FUCA1: variants seen among roughly 807,000 people sequenced by gnomAD.
The protein encoded by FUCA1 is tissue alpha-L-fucosidase.
A neutral mutation model predicts 56.8 loss-of-function variants in FUCA1; 52 were observed. That is an observed-to-expected ratio of 0.92 (90% CI 0.73 to 1.15). FUCA1 has a LOEUF of 1.15. Among genes scored for constraint, FUCA1 ranks in the 50% most tolerant of loss-of-function variants. The probability of loss-of-function intolerance (pLI) is 0.00; values close to 1 mark genes in which losing one functional copy is unlikely to be tolerated. For missense variants in FUCA1, 568 were observed against 592.6 expected, an observed-to-expected ratio of 0.96 and a Z score of 0.43; for synonymous variants, 230 against 226.6, an observed-to-expected ratio of 1.02 and a Z score of -0.14.
chr1:23,865,641 C>A lies in FUCA1; in HGVS notation c.390-16G>T. The A allele has an allele frequency of 6.2e-7, 1 of 1,614,202 alleles. No homozygotes were observed. The highest frequency in any genetic ancestry group is 1.1e-5 in the South Asian group (1 of 91,086). On this transcript the variant is annotated splice_polypyrimidine_tract_variant and intron_variant, in intron 1 of 7. Transcript: ENST00000374479. ...AACTACATACCTGTGGACAGCAAAA[C>A]CACATGAGCAAAGGAAGTGGGCAGT...
chr1:23,859,303 AC>A (rs1208337507), intron 4 of FUCA1, among the ~76,000 whole-genome samples: 1 of 152,134 alleles, frequency 6.6e-6, no homozygotes, highest in African/African-American at 2.4e-5. Flanking sequence ...GCGGTGGCTC[AC>A]GCCTGTAATC....
At chr1:23,857,398 T>C (rs1639414052) in intron 4 of FUCA1, among the ~76,000 whole-genome samples, 1 of 152,090 alleles carries the variant, frequency 6.6e-6, no homozygotes, top group Non-Finnish European at 1.5e-5. Context: ...CAGAGACAGA[T>C]ATGCAGACAA....
At chr1:23,859,313 T>G (rs1472857546) in intron 4 of FUCA1, among the ~76,000 whole-genome samples, 1 of 152,030 alleles carries the variant, frequency 6.6e-6, no homozygotes, top group African/African-American at 2.4e-5. Context: ...ACGCCTGTAA[T>G]CCCAGAACTT....
intron 1 of FUCA1, among the ~76,000 whole-genome samples, chr1:23,866,848 T>C (rs1227949857): frequency 6.6e-6 from 1 of 152,216 alleles, no homozygotes; most frequent in Non-Finnish European, 1.5e-5. Context: ...TTTTAATTTT[T>C]CTCACTTGTA....
chr1:23,856,218 G>T (rs1408433891), intron 4 of FUCA1, among the ~76,000 whole-genome samples: 1 of 152,174 alleles, frequency 6.6e-6, no homozygotes, highest in Non-Finnish European at 1.5e-5. Context: ...AGGGATAAAA[G>T]TGACAGTGTG....
chr1:23,859,257 A>G (rs1639457248), intron 4 of FUCA1, among the ~76,000 whole-genome samples: 1 of 151,996 alleles, frequency 6.6e-6, no homozygotes, highest in African/African-American at 2.4e-5. Context: ...TTAAACCTAT[A>G]TTGTCAAAGT....
intron 6 of FUCA1, among the ~76,000 whole-genome samples, chr1:23,846,429 C>A (rs995607996): frequency 6.6e-6 from 1 of 151,840 alleles, no homozygotes; most frequent in Admixed American, 6.6e-5. Flanking sequence ...CACCACCACG[C>A]CTGGCTAACT....
chr1:23,855,076 C>T (rs1434611511), intron 4 of FUCA1, among the ~76,000 whole-genome samples: 8 of 144,646 alleles, frequency 5.5e-5, no homozygotes, highest in South Asian at 2.2e-4. Flanking sequence ...GCCTTACTTA[C>T]GTAAAAAAAA....
chr1:23,852,869 C>T (rs1450129631), intron 5 of FUCA1, among the ~76,000 whole-genome samples: 9 of 151,772 alleles, frequency 5.9e-5, no homozygotes, highest in Non-Finnish European at 7.4e-5. Flanking sequence ...CCCAAAGTGC[C>T]GAGATTGCAG....
intron 3 of FUCA1, among the ~76,000 whole-genome samples, chr1:23,860,580 T>C (rs1376116250): frequency 7.5e-6 from 1 of 132,784 alleles, no homozygotes; most frequent in Non-Finnish European, 1.6e-5. Flanking sequence ...TGAAACTCCG[T>C]CTCAAAAAAA....
In FUCA1 at chr1:23,867,817, C is replaced by G; in HGVS notation, c.389+81G>C. 1 of 1,454,360 alleles carries G rather than the reference C, an allele frequency of 6.9e-7. No homozygotes were observed. 90.1% of individuals were successfully genotyped at this position (1,454,360 alleles called of 1,614,324 possible). ...GTCATGGGGGCGACCGGCAGCTGCGCGCCCCAGCTGGCCGCCCAGCCCCAC... is the reference window on the plus strand; with the variant it reads ...GTCATGGGGGCGACCGGCAGCTGCGGGCCCCAGCTGGCCGCCCAGCCCCAC... On this transcript the variant is annotated intron_variant, in intron 1 of 7. Transcript: ENST00000374479. The surrounding 1 kb of genome is among the most constrained non-coding windows in gnomAD (Gnocchi z 4.9).
At position 23,867,787 on chromosome 1, in the gene FUCA1, C is replaced by T; in HGVS notation, c.389+111G>A. On this transcript the variant is annotated intron_variant, in intron 1 of 7. Transcript: ENST00000374479. The surrounding 1 kb of genome is among the most constrained non-coding windows in gnomAD (Gnocchi z 4.9). ...GGCCGCAGGAGGCCACACGCGGGCC[C>T]CGGGGTCATGGGGGCGACCGGCAGC... is the stretch of plus-strand genomic sequence containing the variant. 7.0e-7 allele frequency: 1 copy of T among 1,436,220 alleles called. No homozygotes were observed. The highest frequency in any genetic ancestry group is 9.1e-7 in the Non-Finnish European group (1 of 1,104,200). The allele number at this position is 1,436,220 out of a possible 1,614,324, so 89.0% of individuals were successfully genotyped here. A position where few individuals can be genotyped will look rare whatever the true frequency, so the allele number is the denominator to read the frequency against.
At position 23,845,209 on chromosome 1, in the gene FUCA1, C is replaced by G; in HGVS notation, c.*506G>C. The G allele has an allele frequency of 5.4e-6, 1 of 185,062 alleles. No homozygotes were observed. Among genetic ancestry groups the G allele is most frequent in the East Asian group, 1.3e-4 (1 of 7,426 alleles). The allele number at this position is 185,062 out of a possible 1,614,324, so 11.5% of individuals were successfully genotyped here. A position where few individuals can be genotyped will look rare whatever the true frequency, so the allele number is the denominator to read the frequency against. ...CGAATTTTGGCGCTTTTAGATTGCT[C>G]TGAAAATTTCTGAAGAGTTGACCAT... On this transcript the variant is annotated 3_prime_UTR_variant, in exon 8 of 8. Transcript: ENST00000374479.
At chr1:23,866,753 G>A (rs1378513705) in intron 1 of FUCA1, among the ~76,000 whole-genome samples, 3 of 152,200 alleles carry the variant, frequency 2.0e-5, no homozygotes, top group South Asian at 2.1e-4. Context: ...GAGACCTGGA[G>A]TCTAGGACAT....
chr1:23,845,172 CT>C lies in FUCA1; in HGVS notation c.*542del. The C allele has an allele frequency of 1.1e-5, 2 of 179,890 alleles. No individual in the cohort carries two copies. The highest frequency in any genetic ancestry group is 1.1e-4 in the Admixed American group (2 of 18,668). 11.1% of individuals were successfully genotyped at this position (179,890 alleles called of 1,614,324 possible). A position where few individuals can be genotyped will look rare whatever the true frequency, so the allele number is the denominator to read the frequency against. ...CACATTCATTTTCTTAATAGTATCA[CT>C]GTAAACATAGCGAATTTTGGCGCTT... On this transcript the variant is annotated 3_prime_UTR_variant, in exon 8 of 8. Coordinates refer to ENST00000374479, the MANE Select transcript of FUCA1 (RefSeq NM_000147.5).
chr1:23,865,963 T>C (rs74223776), intron 1 of FUCA1, among the ~76,000 whole-genome samples: 16,322 of 152,240 alleles, frequency 0.11, 975 homozygotes, highest in East Asian at 0.21. Flanking sequence ...CTTTCTTTCA[T>C]TCTTTGCCCT....
At chr1:23,861,939 C>T (rs1639519345) in intron 3 of FUCA1, among the ~76,000 whole-genome samples, 1 of 152,190 alleles carries the variant, frequency 6.6e-6, no homozygotes, top group Non-Finnish European at 1.5e-5. Context: ...AATTTAAACT[C>T]ATTACCTCAT....
intron 4 of FUCA1, among the ~76,000 whole-genome samples, chr1:23,854,836 C>G (rs1051097957): frequency 1.3e-5 from 2 of 152,150 alleles, no homozygotes; most frequent in Non-Finnish European, 2.9e-5. Context: ...AAGAAATATT[C>G]AGCCCTAAAT....
At chr1:23,848,269 G>A (rs988346386) in intron 6 of FUCA1, among the ~76,000 whole-genome samples, 2 of 152,092 alleles carry the variant, frequency 1.3e-5, no homozygotes, top group African/African-American at 4.8e-5. Context: ...CCATTCTGCA[G>A]TGGAAAAAAT....
Sources: allele counts gnomAD v4.1 joint callset (sites outside exome capture counted in the v4.1 genomes callset), GRCh38; gene constraint gnomAD v4.1.1; non-coding constraint Gnocchi (gnomAD v3.1); transcripts MANE v1.5; gene names NCBI Gene and HGNC (gene_info 2026-07-23, HGNC 2026-07-21).